Variants in CDC16 observed in about 807,000 individuals in gnomAD.
The protein encoded by CDC16 is cell division cycle 16, also known as cell division cycle protein 16 homolog.
A neutral mutation model predicts 87.0 loss-of-function variants in CDC16; 34 were observed. That is an observed-to-expected ratio of 0.39 (90% confidence interval 0.30 to 0.52). The LOEUF is 0.52. Ranked by LOEUF, CDC16 falls within the 20% of genes least tolerant of loss-of-function variation. The pLI is 0.74. For synonymous variants in CDC16, 263 were observed against 260.6 expected (o/e 1.01, Z -0.09); for missense variants, 653 against 751.9 (o/e 0.87, Z 1.54).
At chr13:114,244,686 A>T (rs1423378054) in intron 8 of CDC16, 1 of 388,760 alleles carries the variant, frequency 2.6e-6, no homozygotes, top group Non-Finnish European at 4.6e-6. Flanking sequence ...TATTCCTTTC[A>T]AATAAACCAG....
intron 17 of CDC16, among the ~76,000 whole-genome samples, chr13:114,271,947 G>GA (rs1219457179): frequency 6.6e-6 from 1 of 152,158 alleles, no homozygotes; most frequent in Non-Finnish European, 1.5e-5. Context: ...GAAAACAAAT[G>GA]AAAAAGAAGA....
Position 114,235,068 on chromosome 13 carries a change from G to T in CDC16, c.-17G>T. On this transcript the variant is annotated 5_prime_UTR_variant, in exon 1 of 18. Transcript: ENST00000356221. ...GCCTAGCGGCGGAGTGTGGCGTGAG[G>T]CCGGGCCCGCGCCGCCATGAACCTA... 1.6e-6 allele frequency: 2 copies of T among 1,247,460 alleles called. No homozygotes were observed. The highest frequency in any genetic ancestry group is 6.9e-5 in the South Asian group (2 of 28,980). The allele number at this position is 1,247,460 out of a possible 1,614,324, so 77.3% of individuals were successfully genotyped here.
intron 14 of CDC16, among the ~76,000 whole-genome samples, chr13:114,260,325 C>T (rs113200576): frequency 1.1e-4 from 16 of 152,288 alleles, no homozygotes; most frequent in African/African-American, 3.6e-4. Context: ...GTGCCTCTGT[C>T]GCATAGTCTT....
chr13:114,242,032 A>G, intron 5 of CDC16, 89 bp from the exon 6 acceptor site: 2 of 1,413,174 alleles, frequency 1.4e-6, no homozygotes, highest in Admixed American at 2.3e-5. Context: ...AGCCTGGGAG[A>G]CAGAGTGAGA....
chr13:114,239,573 C>T, intron 5 of CDC16, 83 bp downstream of exon 5: 1 of 1,358,622 alleles, frequency 7.4e-7, no homozygotes, highest in Non-Finnish European at 9.5e-7. Context: ...TCTTCTTTTA[C>T]TTATTACTAT....
At chr13:114,253,846 A>G (rs1025552594) in intron 12 of CDC16, among the ~76,000 whole-genome samples, 1 of 152,080 alleles carries the variant, frequency 6.6e-6, no homozygotes, top group East Asian at 1.9e-4. Flanking sequence ...CTCTTTCCTC[A>G]TTGATCTTCT....
At chr13:114,246,808 A>G in intron 10 of CDC16, 123 bp from the exon 11 acceptor site, 1 of 690,744 alleles carries the variant, frequency 1.4e-6, no homozygotes, top group South Asian at 1.7e-5. Context: ...AGAAATGTCT[A>G]ACTTAACTAG....
chr13:114,243,352 A>G lies in CDC16; in HGVS notation c.633+4A>G, dbSNP rs1410199516. ...ATTTGAGAACAAATTGAAAAAAGTA[A>G]GTAAAACCAAAGAGTTAGCACTTGC... On this transcript the variant is annotated splice_donor_region_variant and intron_variant, in intron 7 of 17. Coordinates refer to ENST00000356221, the MANE Select transcript of CDC16 (RefSeq NM_001078645.3). 4.2e-6 allele frequency: 6 copies of G among 1,415,208 alleles called. No individual in the cohort carries two copies. 87.7% of individuals were successfully genotyped at this position (1,415,208 alleles called of 1,614,324 possible). A position where few individuals can be genotyped will look rare whatever the true frequency, so the allele number is the denominator to read the frequency against.
Position 114,247,881 on chromosome 13 carries a change from A to AATAAT in CDC16, c.971+878_971+879insTAATA, listed in dbSNP as rs1566651728. On this transcript the variant is annotated intron_variant, in intron 11 of 17. Transcript: ENST00000356221. ...ACAAGAGCAAAACTCTGTCTCAAAAAAATAATAATAATAATTAATAAATGA... is the reference window on the plus strand; with the variant it reads ...ACAAGAGCAAAACTCTGTCTCAAAAAATAATAATAATAATAATAATTAATAAATGA... Among the ~76,000 whole-genome samples, 1,476 of 152,272 alleles carry AATAAT rather than the reference A, an allele frequency of 9.7e-3. 22 individuals carry two copies. The highest frequency in any genetic ancestry group is 0.034 in the African/African-American group (1,404 of 41,532).
intron 13 of CDC16, among the ~76,000 whole-genome samples, chr13:114,258,051 C>T (rs1003480900): frequency 1.3e-5 from 2 of 152,168 alleles, no homozygotes; most frequent in African/African-American, 4.8e-5. Context: ...TCCCAAAGTG[C>T]TGGGATTACA....
At chr13:114,257,491 A>AC (rs1286853530) in intron 13 of CDC16, among the ~76,000 whole-genome samples, 1 of 152,072 alleles carries the variant, frequency 6.6e-6, no homozygotes, top group Non-Finnish European at 1.5e-5. Flanking sequence ...GATTACACAT[A>AC]CCCCACAGTG....
chr13:114,245,360 A>G (rs2081809228), intron 9 of CDC16, among the ~76,000 whole-genome samples: 1 of 149,138 alleles, frequency 6.7e-6, no homozygotes, highest in African/African-American at 2.5e-5. Context: ...TTGTTTGCTC[A>G]TGTTTTCCGT....
intron 17 of CDC16, among the ~76,000 whole-genome samples, chr13:114,268,328 T>C (rs559703225): frequency 1.3e-5 from 2 of 152,376 alleles, no homozygotes; most frequent in East Asian, 3.9e-4. Flanking sequence ...CTACAAGTTG[T>C]CCAGGTTCTT....
chr13:114,250,371 A>T (rs991820443), intron 11 of CDC16, among the ~76,000 whole-genome samples, 178 bp from the exon 12 acceptor site: 3 of 151,914 alleles, frequency 2.0e-5, no homozygotes, highest in Non-Finnish European at 4.4e-5. Flanking sequence ...GGGTGCCTGT[A>T]ATCCCAGCTA....
intron 5 of CDC16, among the ~76,000 whole-genome samples, chr13:114,240,055 T>C (rs937557432): frequency 6.6e-6 from 1 of 152,168 alleles, no homozygotes; most frequent in African/African-American, 2.4e-5. Flanking sequence ...TTATATGCCA[T>C]GCAGTTCCCC....
chr13:114,246,172 C>T, intron 10 of CDC16, 123 bp downstream of exon 10: 2 of 538,438 alleles, frequency 3.7e-6, no homozygotes, highest in East Asian at 3.3e-5. Context: ...AGTGTTGCAA[C>T]AGAATCTCCT....
chr13:114,271,157 G>A (rs551881862), intron 17 of CDC16, among the ~76,000 whole-genome samples: 5 of 151,954 alleles, frequency 3.3e-5, no homozygotes, highest in South Asian at 2.1e-4. Flanking sequence ...TCCTGACCTC[G>A]TGATCCACCC....
At chr13:114,248,904 A>G (rs540858325) in intron 11 of CDC16, among the ~76,000 whole-genome samples, 2 of 152,104 alleles carry the variant, frequency 1.3e-5, no homozygotes, top group South Asian at 4.2e-4. Flanking sequence ...CAATTCAGTG[A>G]TGGACTCTTA....
chr13:114,239,146 A>G, intron 4 of CDC16, 118 bp downstream of exon 4: 1 of 1,477,456 alleles, frequency 6.8e-7, no homozygotes, highest in Non-Finnish European at 9.2e-7. Context: ...GTATTTCATG[A>G]GGAAGTGTTC....
Sources: allele counts gnomAD v4.1 joint callset (sites outside exome capture counted in the v4.1 genomes callset), GRCh38; gene constraint gnomAD v4.1.1; transcripts MANE v1.5; gene names NCBI Gene and HGNC (gene_info 2026-07-23, HGNC 2026-07-21).